Variants in SNX14 observed in about 807,000 individuals in gnomAD.
SNX14 encodes the protein sorting nexin-14.
A neutral mutation model predicts 133.8 loss-of-function variants in SNX14; 93 were observed. The observed-to-expected ratio is 0.70, with a 90% CI of 0.59 to 0.83. The LOEUF (loss-of-function observed/expected upper bound fraction) is 0.83, where lower values mean the gene tolerates loss of function less well. SNX14 is among the 40% of genes least tolerant of loss of function. The pLI, the probability that SNX14 is intolerant of heterozygous loss-of-function variation, is 0.00. For missense variants in SNX14, 945 were observed against 1,094.9 expected, an observed-to-expected ratio of 0.86 and a Z score of 1.93; for synonymous variants, 368 against 365.6, an observed-to-expected ratio of 1.01 and a Z score of -0.07.
In SNX14 at chr6:85,520,039, T is replaced by C. The variant is rs527639529; in HGVS notation, c.2108-1991A>G. 4.0e-5 allele frequency among the ~76,000 whole-genome samples: 6 copies of C among 151,814 alleles called. No homozygotes were observed. The East Asian group carries it at 9.7e-4, about 24-fold the overall frequency. On this transcript the variant is annotated intron_variant, in intron 21 of 28. Coordinates refer to ENST00000314673, the MANE Select transcript of SNX14 (RefSeq NM_153816.6). Reference sequence around the variant, plus strand: ...ACAGTAGTAGTAGTAGTAGTAGTAGTAGCAGTAGTAGTAGTAGTAATAGTA... The same window carrying C: ...ACAGTAGTAGTAGTAGTAGTAGTAGCAGCAGTAGTAGTAGTAGTAATAGTA...
At chr6:85,568,961 CTTTTCTTTTTT>C (rs1236500591) in intron 4 of SNX14, among the ~76,000 whole-genome samples, 19 of 151,072 alleles carry the variant, frequency 1.3e-4, no homozygotes, top group African/African-American at 4.6e-4. Context: ...TAGTGCTTTT[CTTTTCTTTTTT>C]TTTTTTTTTT....
At chr6:85,586,579 T>C (rs1263026522) in intron 1 of SNX14, among the ~76,000 whole-genome samples, 1 of 152,212 alleles carries the variant, frequency 6.6e-6, no homozygotes, top group Non-Finnish European at 1.5e-5. Context: ...GTGATTTTTT[T>C]TTTATTTCTA....
At chr6:85,552,609 C>G (rs1037499995) in intron 7 of SNX14, among the ~76,000 whole-genome samples, 14 of 152,134 alleles carry the variant, frequency 9.2e-5, no homozygotes, top group Non-Finnish European at 1.6e-4. Flanking sequence ...ACAATTGCCC[C>G]AAGTAAGCCA....
At chr6:85,552,769 C>G (rs1230504602) in intron 7 of SNX14, among the ~76,000 whole-genome samples, 1 of 152,198 alleles carries the variant, frequency 6.6e-6, no homozygotes, top group Non-Finnish European at 1.5e-5. Context: ...GGACTGAACT[C>G]TAACCACCGT....
chr6:85,537,981 C>T (rs1353552915), intron 16 of SNX14, among the ~76,000 whole-genome samples: 1 of 152,154 alleles, frequency 6.6e-6, no homozygotes, highest in Non-Finnish European at 1.5e-5. Flanking sequence ...ACTGCTCTTA[C>T]AACCGATATC....
At position 85,547,320 on chromosome 6, in the gene SNX14, T is replaced by C; in HGVS notation, c.990A>G (p.Pro330=). The change falls in exon 11 of 29, where the codon CCA becomes CCG. Residue 330 remains proline (P), a synonymous_variant. Coordinates refer to ENST00000314673, the MANE Select transcript of SNX14 (RefSeq NM_153816.6). ...TGTTATTGCTGAAAATTCTTACAGA[T>C]GGCTTTTTATTTCTAGGTTCTGCAA... The part of the protein sequence containing the change: ...QKFAEPRNKK[P]SVLKLELKQI... 1 of 1,613,450 alleles carries C rather than the reference T, an allele frequency of 6.2e-7. No homozygotes were observed.
chr6:85,589,492 A>T (rs1157493342), intron 1 of SNX14: 1 of 154,378 alleles, frequency 6.5e-6, no homozygotes, highest in East Asian at 1.9e-4. Context: ...TGCTGGCATT[A>T]CAGGCATGAG....
intron 1 of SNX14, among the ~76,000 whole-genome samples, chr6:85,583,696 T>C (rs1490117677): frequency 6.6e-6 from 1 of 152,286 alleles, no homozygotes; most frequent in African/African-American, 2.4e-5. Context: ...ACAAGGGATG[T>C]GAAGTACCTC....
At chr6:85,580,366 G>T (rs1798658281) in intron 1 of SNX14, among the ~76,000 whole-genome samples, 1 of 152,132 alleles carries the variant, frequency 6.6e-6, no homozygotes, top group African/African-American at 2.4e-5. Context: ...GTAGGTCTTG[G>T]GTAAGACTGA....
intron 8 of SNX14, among the ~76,000 whole-genome samples, chr6:85,549,071 AATC>A (rs1161845384): frequency 6.6e-6 from 1 of 152,022 alleles, no homozygotes; most frequent in East Asian, 1.9e-4. Context: ...ATTACCTTAT[AATC>A]ATATTTACTA....
intron 26 of SNX14, among the ~76,000 whole-genome samples, chr6:85,509,698 T>C (rs1251008308): frequency 6.6e-6 from 1 of 152,184 alleles, no homozygotes; most frequent in Non-Finnish European, 1.5e-5. Context: ...GTCCATAATT[T>C]ACATTGGAGT....
intron 7 of SNX14, among the ~76,000 whole-genome samples, chr6:85,551,073 G>A (rs1432449631): frequency 2.6e-5 from 4 of 152,100 alleles, no homozygotes; most frequent in Admixed American, 1.3e-4. Context: ...GAGCCACTGC[G>A]CCTGGCCTCA....
intron 8 of SNX14, among the ~76,000 whole-genome samples, chr6:85,549,456 T>G (rs1786977743): frequency 6.6e-6 from 1 of 152,118 alleles, no homozygotes; most frequent in African/African-American, 2.4e-5. Context: ...GCATAAAAAA[T>G]TAATTTTATT....
chr6:85,523,360 A>C (rs1373315040), intron 21 of SNX14, among the ~76,000 whole-genome samples: 1 of 152,220 alleles, frequency 6.6e-6, no homozygotes, highest in African/African-American at 2.4e-5. Flanking sequence ...ACTAGATAGG[A>C]AACTTAGTAC....
At chr6:85,542,582 G>C (rs1784122931) in intron 14 of SNX14, among the ~76,000 whole-genome samples, 1 of 152,020 alleles carries the variant, frequency 6.6e-6, no homozygotes, top group Non-Finnish European at 1.5e-5. Context: ...TTTTAGTAGA[G>C]AAGGGGTTTC....
chr6:85,581,188 G>A (rs1262347321), intron 1 of SNX14: 2 of 152,240 alleles, frequency 1.3e-5, no homozygotes, highest in Admixed American at 1.3e-4. Flanking sequence ...GAGAACAGGA[G>A]ACTCTACCTG....
chr6:85,521,334 A>C (rs1776777820), intron 21 of SNX14, among the ~76,000 whole-genome samples: 1 of 152,144 alleles, frequency 6.6e-6, no homozygotes, highest in South Asian at 2.1e-4. Flanking sequence ...TTCTGGGCTC[A>C]AGTGATCCTC....
chr6:85,516,778 C>CA (rs1775186659), intron 23 of SNX14, among the ~76,000 whole-genome samples: 1 of 152,060 alleles, frequency 6.6e-6, no homozygotes, highest in South Asian at 2.1e-4. Context: ...GCTAGGATTA[C>CA]AGGCACCCAC....
chr6:85,507,155 A>G, intron 28 of SNX14, 78 bp downstream of exon 28: 1 of 1,273,452 alleles, frequency 7.9e-7, no homozygotes, highest in Non-Finnish European at 1.1e-6. Flanking sequence ...GGGTTTTCTT[A>G]CATTTATGTC....
Sources: gnomAD v4.1 joint callset for allele counts (sites outside exome capture counted in the v4.1 genomes callset) on GRCh38, gnomAD v4.1.1 for gene constraint, MANE v1.5 for transcripts, NCBI Gene and HGNC (gene_info 2026-07-23, HGNC 2026-07-21) for gene names.